Variants in DGKI observed in about 807,000 individuals in gnomAD.
DGKI encodes DAG kinase iota.
In DGKI, 55 loss-of-function variants were observed where a neutral mutation model predicts 147.5. That is an observed-to-expected ratio of 0.37 (90% CI 0.30 to 0.47). The LOEUF (loss-of-function observed/expected upper bound fraction) is 0.47, where lower values mean the gene tolerates loss of function less well. DGKI is among the 20% of genes least tolerant of loss of function. DGKI has a pLI of 1.00. For missense variants in DGKI, 1,007 were observed against 1,323.8 expected, an observed-to-expected ratio of 0.76 and a Z score of 3.71; for synonymous variants, 469 against 477.1, an observed-to-expected ratio of 0.98 and a Z score of 0.22.
chr7:137,724,084 GAC>G (rs1794650966), intron 1 of DGKI, among the ~76,000 whole-genome samples: 1 of 149,178 alleles, frequency 6.7e-6, no homozygotes, highest in African/African-American at 2.5e-5. Flanking sequence ...GAGAGAGAGA[GAC>G]AGTCAATTGA....
chr7:137,415,339 C>T (rs546819982), intron 28 of DGKI, among the ~76,000 whole-genome samples: 7 of 152,210 alleles, frequency 4.6e-5, no homozygotes, highest in Admixed American at 4.6e-4. Flanking sequence ...ATTTATATAG[C>T]ATTTGCATTA....
Position 137,846,907 on chromosome 7 carries a change from T to C in DGKI, c.-45A>G. On this transcript the variant is annotated 5_prime_UTR_variant, in exon 1 of 33. Coordinates refer to ENST00000614521, the MANE Select transcript of DGKI (RefSeq NM_001321708.2). This position sits in a 1 kb window ranked among gnomAD's most constrained non-coding sequence, Gnocchi z 4.0. ...GGGCATTGTGGGAAACTCCGCTCAC[T>C]CCCCCGCCCCGGCCAATCAGAGGCC... 1.8e-6 allele frequency: 2 copies of C among 1,116,342 alleles called. No individual in the cohort carries two copies. Among genetic ancestry groups the C allele is most frequent in the East Asian group, 4.4e-5 (1 of 22,768 alleles). The allele number at this position is 1,116,342 out of a possible 1,614,324, so 69.2% of individuals were successfully genotyped here. A position where few individuals can be genotyped will look rare whatever the true frequency, so the allele number is the denominator to read the frequency against.
At chr7:137,494,427 G>T (rs999904477) in intron 21 of DGKI, among the ~76,000 whole-genome samples, 1 of 151,974 alleles carries the variant, frequency 6.6e-6, no homozygotes, top group Non-Finnish European at 1.5e-5. Flanking sequence ...AGAAAGAAGG[G>T]GCAGGTCACC....
intron 10 of DGKI, among the ~76,000 whole-genome samples, chr7:137,607,512 T>C (rs1563109335): frequency 1.3e-5 from 2 of 152,174 alleles, no homozygotes; most frequent in Admixed American, 6.6e-5. Context: ...AAGAAATAGA[T>C]AACTTACTAG....
chr7:137,561,552 CTAG>C (rs1185071961), intron 19 of DGKI, among the ~76,000 whole-genome samples: 1 of 152,040 alleles, frequency 6.6e-6, no homozygotes, highest in Non-Finnish European at 1.5e-5. Flanking sequence ...TTTCAAAAAA[CTAG>C]GAGGAGGATA....
chr7:137,502,270 T>TC (rs767132702), intron 21 of DGKI, among the ~76,000 whole-genome samples: 3 of 152,166 alleles, frequency 2.0e-5, no homozygotes, highest in Non-Finnish European at 2.9e-5. Context: ...GAGTGAATCA[T>TC]ACTCCACACT....
intron 3 of DGKI, among the ~76,000 whole-genome samples, chr7:137,664,271 G>A (rs10216163): frequency 0.13 from 20,346 of 151,460 alleles, 4,047 homozygotes; most frequent in African/African-American, 0.44. Context: ...CCAGCTACCC[G>A]GGAGGCTGAG....
chr7:137,576,257 C>A (rs1451137140), intron 17 of DGKI, among the ~76,000 whole-genome samples: 1 of 151,922 alleles, frequency 6.6e-6, no homozygotes, highest in Non-Finnish European at 1.5e-5. Flanking sequence ...AGGCTGCTCT[C>A]GAACTCCTGA....
At chr7:137,700,352 G>A (rs1291104571) in intron 1 of DGKI, among the ~76,000 whole-genome samples, 1 of 152,196 alleles carries the variant, frequency 6.6e-6, no homozygotes, top group Non-Finnish European at 1.5e-5. Context: ...GGAGAAAAGG[G>A]ATGTGAAGGT....
At position 137,463,621 on chromosome 7, in the gene DGKI, A is replaced by G. The variant is rs1269696853; in HGVS notation, c.2613-10T>C. 1.9e-6 allele frequency: 3 copies of G among 1,613,952 alleles called. No homozygotes were observed. Among genetic ancestry groups the G allele is most frequent in the Non-Finnish European group, 2.5e-6 (3 of 1,179,910 alleles). On this transcript the variant is annotated splice_polypyrimidine_tract_variant and intron_variant, in intron 26 of 32. Coordinates refer to ENST00000614521, the MANE Select transcript of DGKI (RefSeq NM_001321708.2). ...CCACCAGTCTGAGATCCTGAGAGAA[A>G]GAAGGGCACCAGACAGTTAAACATT...
At chr7:137,395,297 C>T (rs562596513) in intron 32 of DGKI, among the ~76,000 whole-genome samples, 235 of 152,294 alleles carry the variant, frequency 1.5e-3, no homozygotes, top group Non-Finnish European at 2.7e-3. Flanking sequence ...TCTCCTTGGG[C>T]TTCGGACCTC....
At chr7:137,495,045 A>G (rs962072646) in intron 21 of DGKI, among the ~76,000 whole-genome samples, 1 of 152,284 alleles carries the variant, frequency 6.6e-6, no homozygotes, top group Admixed American at 6.5e-5. Flanking sequence ...ATCAAAAAAG[A>G]CAAAGAACAA....
At chr7:137,698,173 G>T (rs1823859952) in intron 1 of DGKI, among the ~76,000 whole-genome samples, 1 of 151,060 alleles carries the variant, frequency 6.6e-6, no homozygotes, top group South Asian at 2.1e-4. Flanking sequence ...TCTCCAGATA[G>T]ATAGATATAT....
At chr7:137,655,189 A>T (rs1010148972) in intron 4 of DGKI, among the ~76,000 whole-genome samples, 1 of 149,940 alleles carries the variant, frequency 6.7e-6, no homozygotes, top group Non-Finnish European at 1.5e-5. Context: ...ATTCAAAGAC[A>T]ACAGAGTTAT....
At chr7:137,508,580 C>T (rs953985069) in intron 21 of DGKI, among the ~76,000 whole-genome samples, 1 of 152,210 alleles carries the variant, frequency 6.6e-6, no homozygotes, top group East Asian at 1.9e-4. Flanking sequence ...AGAGCATTTA[C>T]TTTAGCAAAC....
chr7:137,473,102 G>T (rs1815042792), intron 23 of DGKI, among the ~76,000 whole-genome samples: 1 of 152,010 alleles, frequency 6.6e-6, no homozygotes, highest in Non-Finnish European at 1.5e-5. Context: ...AAATATAGAT[G>T]GTATATATCT....
intron 21 of DGKI, among the ~76,000 whole-genome samples, chr7:137,501,840 A>T (rs957040170): frequency 6.6e-6 from 1 of 152,042 alleles, no homozygotes; most frequent in Non-Finnish European, 1.5e-5. Flanking sequence ...CTGTGACCCC[A>T]CCCAAATCTC....
chr7:137,679,865 C>T (rs1401884111), intron 2 of DGKI, among the ~76,000 whole-genome samples: 1 of 151,676 alleles, frequency 6.6e-6, no homozygotes, highest in African/African-American at 2.4e-5. Context: ...TGGTGGGCGC[C>T]TGTTAATCCC....
intron 28 of DGKI, among the ~76,000 whole-genome samples, chr7:137,422,152 CA>C (rs1293141832): frequency 2.6e-5 from 4 of 152,158 alleles, no homozygotes; most frequent in Admixed American, 6.5e-5. Context: ...AGTGTTAAAG[CA>C]AACTTCGTGG....
Sources: gnomAD v4.1 joint callset for allele counts (sites outside exome capture counted in the v4.1 genomes callset) on GRCh38, gnomAD v4.1.1 for gene constraint, Gnocchi (gnomAD v3.1) non-coding constraint, MANE v1.5 for transcripts, NCBI Gene and HGNC (gene_info 2026-07-23, HGNC 2026-07-21) for gene names.